SPATS2L: variants seen among roughly 807,000 people sequenced by gnomAD.
SPATS2L encodes the protein spermatogenesis associated serine rich 2 like.
A neutral mutation model predicts 59.6 loss-of-function variants in SPATS2L; 30 were observed. The ratio of observed to expected loss-of-function variants is 0.50; its 90% CI spans 0.38 to 0.68. The LOEUF (loss-of-function observed/expected upper bound fraction) is 0.68. Among genes scored for constraint, SPATS2L ranks in the 30% least tolerant of loss-of-function variants. SPATS2L has a pLI of 0.00. For missense variants in SPATS2L, 615 were observed against 700.0 expected, an observed-to-expected ratio of 0.88 and a Z score of 1.37; for synonymous variants, 252 against 263.5, an observed-to-expected ratio of 0.96 and a Z score of 0.42.
At chr2:200,434,481 C>CAA (rs200776752) in intron 6 of SPATS2L, among the ~76,000 whole-genome samples, 13 of 149,194 alleles carry the variant, frequency 8.7e-5, no homozygotes, top group African/African-American at 3.2e-4. Context: ...AAGAAATCTA[C>CAA]AAAAAAAAAT....
chr2:200,450,331 T>G (rs1412445836), intron 8 of SPATS2L, among the ~76,000 whole-genome samples: 2 of 152,210 alleles, frequency 1.3e-5, no homozygotes, highest in East Asian at 3.8e-4. Flanking sequence ...TGGCAATAAG[T>G]TATCCCTTCC....
chr2:200,342,332 A>G (rs1420295543), intron 2 of SPATS2L, among the ~76,000 whole-genome samples: 1 of 152,218 alleles, frequency 6.6e-6, no homozygotes, highest in Non-Finnish European at 1.5e-5. Flanking sequence ...GTGGGACAGG[A>G]GACCAGAGCT....
At chr2:200,386,157 T>C (rs538717536) in intron 2 of SPATS2L, among the ~76,000 whole-genome samples, 1 of 152,162 alleles carries the variant, frequency 6.6e-6, no homozygotes, top group Admixed American at 6.5e-5. Flanking sequence ...GGAACCCACC[T>C]GGAAGATGGA....
Position 200,469,943 on chromosome 2 carries a change from G to A in SPATS2L, c.987G>A (p.Glu329=), listed in dbSNP as rs376747928. 4.3e-6 allele frequency: 7 copies of A among 1,611,826 alleles called. No individual in the cohort carries two copies. In the African/African-American group the frequency reaches 9.3e-5, roughly 22 times the overall value. Residue 329 remains glutamate, a synonymous_variant, in exon 11 of 13, where the codon GAG becomes GAA. Coordinates refer to ENST00000409140, the MANE Select transcript of SPATS2L (RefSeq NM_001100423.2). The stretch of plus-strand genomic sequence containing the variant: ...TTGTCAGCGAGCGTAAATATGACGA[G>A]GAGCTCGGGAAAGCTGCCCGGTTTT... ...KHFVSERKYD[E]ELGKAARFSC...
intron 6 of SPATS2L, among the ~76,000 whole-genome samples, chr2:200,425,454 A>G (rs890841893): frequency 6.6e-6 from 1 of 152,180 alleles, no homozygotes; most frequent in African/African-American, 2.4e-5. Flanking sequence ...CCCGGGCTTT[A>G]GCGTTAGACA....
chr2:200,341,854 TA>T (rs1435340332), intron 2 of SPATS2L, among the ~76,000 whole-genome samples: 4 of 151,840 alleles, frequency 2.6e-5, no homozygotes, highest in Non-Finnish European at 2.9e-5. Flanking sequence ...CACGCCCAGA[TA>T]TTTTTTTTGT....
intron 2 of SPATS2L, among the ~76,000 whole-genome samples, chr2:200,345,315 G>A (rs1433381376): frequency 6.6e-6 from 1 of 152,138 alleles, no homozygotes; most frequent in South Asian, 2.1e-4. Context: ...AGCAACAAAG[G>A]TTATTTTAAT....
intron 2 of SPATS2L, among the ~76,000 whole-genome samples, chr2:200,368,970 C>A (rs1460934116): frequency 1.3e-5 from 2 of 151,490 alleles, no homozygotes; most frequent in East Asian, 3.9e-4. Flanking sequence ...GATTATGTTT[C>A]CAAATTACCA....
chr2:200,344,184 A>G (rs1264688598), intron 2 of SPATS2L, among the ~76,000 whole-genome samples: 1 of 151,978 alleles, frequency 6.6e-6, no homozygotes, highest in Non-Finnish European at 1.5e-5. Context: ...TACTAAGCCT[A>G]GTATTCATTA....
In SPATS2L at chr2:200,439,202, G is replaced by A. The variant is rs750578862; in HGVS notation, c.526G>A (p.Gly176Ser). ...PIHGTTERSD[G>S]LQWSAEQPCN... is the part of the protein sequence containing the mutation. ...ACATGGAACAACAGAGAGGTCAGATGGCCTACAGTGGTCAGCTGAGCAGCC... is the reference window on the plus strand; with the variant it reads ...ACATGGAACAACAGAGAGGTCAGATAGCCTACAGTGGTCAGCTGAGCAGCC... The change falls in exon 7 of 13, where the codon GGC (glycine) becomes AGC (serine). Residue 176 changes from glycine to serine, a missense_variant. Around this residue, in one of 3 missense-constraint regions of SPATS2L, gnomAD observed 227 missense variants for 257.4 expected, o/e 0.88. Coordinates refer to ENST00000409140, the MANE Select transcript of SPATS2L (RefSeq NM_001100423.2). 2 of 1,613,712 alleles carry A rather than the reference G, an allele frequency of 1.2e-6. No individual in the cohort carries two copies. The highest frequency in any genetic ancestry group is 1.7e-6 in the Non-Finnish European group (2 of 1,179,746).
At chr2:200,339,619 A>G (rs1179549097) in intron 2 of SPATS2L, among the ~76,000 whole-genome samples, 1 of 152,232 alleles carries the variant, frequency 6.6e-6, no homozygotes, top group Non-Finnish European at 1.5e-5. Flanking sequence ...TATAGTATCC[A>G]TAGATAAATT....
At chr2:200,469,313 C>T (rs1041249018) in intron 10 of SPATS2L, among the ~76,000 whole-genome samples, 1 of 152,218 alleles carries the variant, frequency 6.6e-6, no homozygotes, top group African/African-American at 2.4e-5. Flanking sequence ...GCTAAACTCC[C>T]TGGTAAACTC....
chr2:200,308,198 T>C (rs1021152061), intron 1 of SPATS2L, among the ~76,000 whole-genome samples: 17 of 148,510 alleles, frequency 1.1e-4, no homozygotes, highest in African/African-American at 4.0e-4. Context: ...GTATGTAATA[T>C]AGCAGGGAAG....
chr2:200,312,027 G>C (rs1486633942), intron 1 of SPATS2L, among the ~76,000 whole-genome samples: 2 of 152,196 alleles, frequency 1.3e-5, no homozygotes, highest in African/African-American at 4.8e-5. Context: ...ACCCAGCTAG[G>C]AGTCTTCTGA....
At chr2:200,467,737 A>G (rs1278431502) in intron 10 of SPATS2L, among the ~76,000 whole-genome samples, 1 of 152,242 alleles carries the variant, frequency 6.6e-6, no homozygotes. Context: ...ATGTATGCAT[A>G]TAAACACATC....
intron 2 of SPATS2L, chr2:200,372,221 A>T: frequency 1.0e-6 from 1 of 984,558 alleles, no homozygotes; most frequent in Non-Finnish European, 1.2e-6. Context: ...TTCTGGAGTT[A>T]TAAGGCAGAG....
intron 2 of SPATS2L, among the ~76,000 whole-genome samples, chr2:200,366,357 A>C (rs930607322): frequency 1.3e-5 from 2 of 152,164 alleles, no homozygotes; most frequent in African/African-American, 2.4e-5. Flanking sequence ...ATTTGGACTG[A>C]CTGGCACACT....
upstream of SPATS2L, chr2:200,306,100 T>C: frequency 2.0e-6 from 2 of 985,984 alleles, no homozygotes; most frequent in Non-Finnish European, 2.4e-6. Flanking sequence ...ACACCCCGGG[T>C]TGGTCGGGTT....
rs1476824186 is a variant in SPATS2L at position 200,467,367 on chromosome 2, A to T, written c.925A>T (p.Met309Leu). The T allele has an allele frequency of 1.2e-6, 2 of 1,613,900 alleles. No homozygotes were observed. Among genetic ancestry groups the T allele is most frequent in the African/African-American group, 2.7e-5 (2 of 74,948 alleles). ...TGACCTTGCCAGTCAGATGGCAGAGATGCAGCTGGCCGAACTCAGGGCAGA... is the reference window on the plus strand; with the variant it reads ...TGACCTTGCCAGTCAGATGGCAGAGTTGCAGCTGGCCGAACTCAGGGCAGA... Reference protein sequence around the residue: ...LTDLASQMAEMQLAELRAEIK... With the variant: ...LTDLASQMAELQLAELRAEIK... Residue 309 changes from methionine to leucine, a missense_variant, in exon 10 of 13, where the codon ATG becomes TTG. Met to Leu is a conservative substitution (Grantham distance 15). Around this residue, in one of 3 missense-constraint regions of SPATS2L, gnomAD observed 104 missense variants for 162.5 expected, o/e 0.64. Transcript: ENST00000409140.
Sources: allele counts gnomAD v4.1 joint callset (sites outside exome capture counted in the v4.1 genomes callset), GRCh38; gene constraint gnomAD v4.1.1; regional missense constraint gnomAD v4.1.1; transcripts MANE v1.5; gene names NCBI Gene and HGNC (gene_info 2026-07-23, HGNC 2026-07-21).